Variants in CATSPERD observed in about 807,000 individuals in gnomAD.
CATSPERD encodes the protein cation channel sperm-associated auxiliary subunit delta.
A neutral mutation model predicts 98.1 loss-of-function variants in CATSPERD; 86 were observed. That is an observed-to-expected ratio of 0.88 (90% confidence interval 0.74 to 1.05). The LOEUF is 1.05. CATSPERD is among the 50% of genes least tolerant of loss of function. CATSPERD has a pLI of 0.00. For synonymous variants in CATSPERD, 394 were observed against 390.2 expected (o/e 1.01, Z -0.12); for missense variants, 995 against 1,005.7 (o/e 0.99, Z 0.14).
chr19:5,729,363 T>A (rs1350068954), intron 3 of CATSPERD, among the ~76,000 whole-genome samples: 3 of 152,118 alleles, frequency 2.0e-5, no homozygotes, highest in Non-Finnish European at 4.4e-5. Flanking sequence ...GCTTCCAAAG[T>A]GCTGGGATTA....
chr19:5,742,127 T>C (rs936748844), intron 7 of CATSPERD, among the ~76,000 whole-genome samples: 1 of 150,198 alleles, frequency 6.7e-6, no homozygotes, highest in Non-Finnish European at 1.5e-5. Flanking sequence ...CGTTTGTGTG[T>C]GCGTGTGTGC....
At chr19:5,734,790 A>G (rs972255285) in intron 5 of CATSPERD, among the ~76,000 whole-genome samples, 1 of 150,920 alleles carries the variant, frequency 6.6e-6, no homozygotes, top group Admixed American at 6.6e-5. Flanking sequence ...TGACAGAGTG[A>G]GACTCTGTCT....
chr19:5,730,055 T>G, intron 4 of CATSPERD, 111 bp downstream of exon 4: 1 of 673,168 alleles, frequency 1.5e-6, no homozygotes, highest in Non-Finnish European at 2.5e-6. Context: ...GAGGTTTATT[T>G]TACAATGTAC....
chr19:5,767,411 A>G lies in CATSPERD; in HGVS notation c.1560-757A>G, dbSNP rs1204777180. ...GCCCCTCCCAGAGCTGGGGTCTCTC[A>G]GGTTTTTTTTTTTTTCCATATCTGC... On this transcript the variant is annotated intron_variant, in intron 17 of 21. Coordinates refer to ENST00000381624, the MANE Select transcript of CATSPERD (RefSeq NM_152784.4). Among the ~76,000 whole-genome samples the G allele has an allele frequency of 5.4e-5, 8 of 147,540 alleles. 1 individual carries two copies. In the South Asian group the frequency reaches 1.7e-3, roughly 31 times the overall value.
chr19:5,737,018 C>T, intron 5 of CATSPERD, 120 bp from the exon 6 acceptor site: 1 of 564,072 alleles, frequency 1.8e-6, no homozygotes, highest in Non-Finnish European at 3.2e-6. Context: ...GATCACGCCA[C>T]TGCACTTCAG....
At position 5,767,455 on chromosome 19, in the gene CATSPERD, T is replaced by G. The variant is rs1474966681; in HGVS notation, c.1560-713T>G. 2.0e-5 allele frequency among the ~76,000 whole-genome samples: 3 copies of G among 151,228 alleles called. No individual in the cohort carries two copies. In the East Asian group the frequency reaches 5.8e-4, roughly 29 times the overall value. On this transcript the variant is annotated intron_variant, in intron 17 of 21. Coordinates refer to ENST00000381624, the MANE Select transcript of CATSPERD (RefSeq NM_152784.4). The stretch of plus-strand genomic sequence containing the variant: ...TATCTGCTCATTTGGCAACTGCTCA[T>G]GCATTAGACGCAAAGGTGTGCCCTC...
At chr19:5,766,756 G>C (rs187296074) in intron 17 of CATSPERD, among the ~76,000 whole-genome samples, 2 of 150,618 alleles carry the variant, frequency 1.3e-5, no homozygotes, top group African/African-American at 4.9e-5. Context: ...GCAGTGGCAC[G>C]ATCTTGACTC....
intron 7 of CATSPERD, among the ~76,000 whole-genome samples, chr19:5,740,800 C>G (rs978638947): frequency 2.7e-5 from 4 of 150,768 alleles, no homozygotes; most frequent in Non-Finnish European, 5.9e-5. Flanking sequence ...AGCGCCCAGC[C>G]GTGTAGGGAC....
rs1436554587 is a variant in CATSPERD at position 5,757,471 on chromosome 19, A to G, written c.1279-372A>G. Among the ~76,000 whole-genome samples the G allele has an allele frequency of 4.0e-5, 6 of 150,732 alleles. No individual in the cohort carries two copies. In the East Asian group the frequency reaches 1.2e-3, roughly 30 times the overall value. On this transcript the variant is annotated intron_variant, in intron 13 of 21. Coordinates refer to ENST00000381624, the MANE Select transcript of CATSPERD (RefSeq NM_152784.4). ...CACCACCATGCCTGGCTAATTTTGT[A>G]TTTTTAGTAGAGATGGGGTTTCTCC...
intron 9 of CATSPERD, among the ~76,000 whole-genome samples, chr19:5,746,451 C>T (rs1197685756): frequency 2.0e-5 from 3 of 151,036 alleles, no homozygotes; most frequent in Admixed American, 6.6e-5. Context: ...TTTTTTGAGA[C>T]GGAGTCTCAC....
At chr19:5,744,875 A>C (rs1433825282) in intron 8 of CATSPERD, among the ~76,000 whole-genome samples, 1 of 151,692 alleles carries the variant, frequency 6.6e-6, no homozygotes, top group Non-Finnish European at 1.5e-5. Flanking sequence ...GCCTGGGATT[A>C]CAGGTGTAAG....
chr19:5,760,119 A>C (rs2056406894), intron 15 of CATSPERD, among the ~76,000 whole-genome samples: 1 of 150,492 alleles, frequency 6.6e-6, no homozygotes, highest in Non-Finnish European at 1.5e-5. Flanking sequence ...GTGGCCCACA[A>C]CACTTTGGGA....
intron 20 of CATSPERD, chr19:5,775,288 T>C (rs2056720439): frequency 2.1e-6 from 1 of 471,322 alleles, no homozygotes; most frequent in African/African-American, 2.0e-5. Context: ...TCCCCGCTTC[T>C]AGTGAGTAAA....
At chr19:5,745,308 C>T (rs2436503) in intron 8 of CATSPERD, among the ~76,000 whole-genome samples, 5,648 of 151,504 alleles carry the variant, frequency 0.037, 168 homozygotes, top group South Asian at 0.11. Context: ...AGATAGTTTA[C>T]ATTTTTCTGT....
At chr19:5,775,097 C>T (rs1023962504) in intron 20 of CATSPERD, 10 of 358,106 alleles carry the variant, frequency 2.8e-5, no homozygotes, top group Non-Finnish European at 4.6e-5. Context: ...CCCAGGAAGG[C>T]CTGAAAGCAG....
chr19:5,772,859 C>G lies in CATSPERD; in HGVS notation c.1835C>G (p.Ser612Ter). 1.9e-6 allele frequency: 3 copies of G among 1,614,102 alleles called. No individual in the cohort carries two copies. Among genetic ancestry groups the G allele is most frequent in the Non-Finnish European group, 2.5e-6 (3 of 1,180,004 alleles). Reference sequence around the variant, plus strand: ...TTACTGGAGGTGAACGGGCAGTTCTCATACTCCTATTCCCTGACGGCCCAG... The same window carrying G: ...TTACTGGAGGTGAACGGGCAGTTCTGATACTCCTATTCCCTGACGGCCCAG... ...YVLLEVNGQF[S>*]YSYSLTAQSA... Residue 612 changes from serine (S) to a stop codon, truncating the protein, a stop_gained, in exon 20 of 22, where the codon TCA (serine) becomes TGA (stop). Transcript: ENST00000381624. LOFTEE classifies it high-confidence loss of function.
chr19:5,729,332 T>G (rs2055670375), intron 3 of CATSPERD, among the ~76,000 whole-genome samples: 1 of 151,606 alleles, frequency 6.6e-6, no homozygotes, highest in Non-Finnish European at 1.5e-5. Flanking sequence ...ACTCTTGACC[T>G]CAGGTGATCT....
chr19:5,749,057 A>T (rs1173301517), intron 10 of CATSPERD, 44 bp from the exon 11 acceptor site: 1 of 1,521,654 alleles, frequency 6.6e-7, no homozygotes. Flanking sequence ...CACAGAAATG[A>T]CCAGCATTTC....
At chr19:5,778,230 A>T in intron 21 of CATSPERD, 146 bp from the exon 22 acceptor site, 12 of 575,716 alleles carry the variant, frequency 2.1e-5, no homozygotes, top group Non-Finnish European at 3.3e-5. Context: ...AAAAAGGCAT[A>T]GTGGATGGAA....
Sources: gnomAD v4.1 joint callset for allele counts (sites outside exome capture counted in the v4.1 genomes callset) on GRCh38, gnomAD v4.1.1 for gene constraint, MANE v1.5 for transcripts, NCBI Gene and HGNC (gene_info 2026-07-23, HGNC 2026-07-21) for gene names.